The following PCID2 variants were observed in gnomAD, a reference collection of about 807,000 sequenced individuals.
The protein encoded by PCID2 is PCI domain-containing protein 2.
PCID2 carries 41 observed loss-of-function variants against 61.3 expected under a neutral mutation model. That is an observed-to-expected ratio of 0.67 (90% confidence interval 0.52 to 0.87). The LOEUF (loss-of-function observed/expected upper bound fraction) is 0.87. Among genes scored for constraint, PCID2 ranks in the 40% least tolerant of loss-of-function variants. The pLI, the probability that PCID2 is intolerant of heterozygous loss-of-function variation, is 0.00. For synonymous variants in PCID2, 187 were observed against 177.8 expected (o/e 1.05, Z -0.41); for missense variants, 392 against 493.4 (o/e 0.79, Z 1.95).
chr13:113,182,340 G>A (rs1372811123), intron 9 of PCID2, among the ~76,000 whole-genome samples: 2 of 152,198 alleles, frequency 1.3e-5, no homozygotes, highest in South Asian at 2.1e-4. Flanking sequence ...CATGACCCAC[G>A]AGGAGCCCTG....
At chr13:113,203,607 T>C (rs749805060) in intron 1 of PCID2, among the ~76,000 whole-genome samples, 9 of 152,150 alleles carry the variant, frequency 5.9e-5, no homozygotes, top group Admixed American at 1.3e-4. Context: ...AAGACAACAC[T>C]GGTATCTGCC....
intron 2 of PCID2, among the ~76,000 whole-genome samples, chr13:113,199,647 C>T (rs1330317222): frequency 6.6e-6 from 1 of 152,158 alleles, no homozygotes; most frequent in Non-Finnish European, 1.5e-5. Flanking sequence ...GCACAGGGCA[C>T]CAGCCATGGG....
chr13:113,197,188 C>T lies in PCID2; in HGVS notation c.256G>A (p.Val86Met), dbSNP rs771421304. The stretch of plus-strand genomic sequence containing the variant: ...AACGACAAAGGATATTGGACTATCA[C>T]GGTCTGGCACTTGTATGCCTCTATG... ...DFIEAYKCQT[V>M]IVQSFLRAFQ... The change falls in exon 4 of 14, where the codon GTG becomes ATG. Residue 86 changes from valine to methionine, a missense_variant. This residue lies in a region of PCID2 where 155 missense variants were observed against 164.9 expected (regional missense o/e 0.94). Transcript: ENST00000337344. 8 of 1,614,056 alleles carry T rather than the reference C, an allele frequency of 5.0e-6. No individual in the cohort carries two copies. The highest frequency in any genetic ancestry group is 1.3e-5 in the African/African-American group (1 of 74,946).
intron 7 of PCID2, chr13:113,186,027 CAAAAACAA>C (rs59772073): frequency 0.71 from 108,116 of 153,118 alleles, 38,902 homozygotes; most frequent in Middle Eastern, 0.81. Context: ...TCTCAAAAAA[CAAAAACAA>C]AAAAAGAAAA....
At chr13:113,176,582 G>T (rs1047010871), downstream of PCID2, among the ~76,000 whole-genome samples, 2 of 152,274 alleles carry the variant, frequency 1.3e-5, no homozygotes, top group Admixed American at 1.3e-4. Flanking sequence ...TGCAATATTA[G>T]CAAGACGCTG....
At chr13:113,188,588 A>C (rs1168017362) in intron 7 of PCID2, 1 of 152,232 alleles carries the variant, frequency 6.6e-6, no homozygotes, top group Non-Finnish European at 1.5e-5. Context: ...AATGACGGGA[A>C]GACGCCGTAA....
rs185575603 is a variant in PCID2, at chr13:113,183,190, G to C, written c.685+1156C>G. On this transcript the variant is annotated intron_variant, in intron 9 of 13. Coordinates refer to ENST00000337344, the MANE Select transcript of PCID2 (RefSeq NM_001127202.4). The stretch of plus-strand genomic sequence containing the variant: ...ATCTCAGAGCATCACACTCTCAATG[G>C]CTTCCTATTTCTTTTATAGTCAAAC... Among the ~76,000 whole-genome samples, 18 of 152,186 alleles carry C rather than the reference G, an allele frequency of 1.2e-4. No homozygotes were observed. In the East Asian group the frequency reaches 2.7e-3, roughly 23 times the overall value.
chr13:113,178,302 G>A lies in PCID2; in HGVS notation c.1111-15C>T, dbSNP rs774121847. 6 of 1,597,490 alleles carry A rather than the reference G, an allele frequency of 3.8e-6. No homozygotes were observed. The East Asian group carries it at 6.7e-5, about 18-fold the overall frequency. Reference sequence around the variant, plus strand: ...TTGACGTGTCCCTGCGGGGCAGAAAGGGAGGAATGCGTTTACATTTTTGGA... The same window carrying A: ...TTGACGTGTCCCTGCGGGGCAGAAAAGGAGGAATGCGTTTACATTTTTGGA... On this transcript the variant is annotated splice_polypyrimidine_tract_variant and intron_variant, in intron 13 of 13. Coordinates refer to ENST00000337344, the MANE Select transcript of PCID2 (RefSeq NM_001127202.4).
chr13:113,190,390 A>G (rs1328583375), intron 7 of PCID2, among the ~76,000 whole-genome samples: 1 of 152,194 alleles, frequency 6.6e-6, no homozygotes, highest in Admixed American at 6.5e-5. Context: ...TGACATTTTT[A>G]AAGTGCCAAA....
At chr13:113,196,964 G>A in intron 4 of PCID2, 1 of 1,254,654 alleles carries the variant, frequency 8.0e-7, no homozygotes, top group Non-Finnish European at 1.2e-6. Context: ...CCTAACCAGT[G>A]TTCTTCCTTA....
chr13:113,190,840 G>T (rs552667324), intron 7 of PCID2, 32 bp downstream of exon 7: 1 of 1,323,168 alleles, frequency 7.6e-7, no homozygotes, highest in Non-Finnish European at 1.1e-6. Context: ...CACCAACAGC[G>T]TCTGGTGGTC....
chr13:113,172,856 G>A (rs1221622952), downstream of PCID2, among the ~76,000 whole-genome samples: 1 of 152,172 alleles, frequency 6.6e-6, no homozygotes, highest in African/African-American at 2.4e-5. Flanking sequence ...GTCGCCCAGG[G>A]TAGAATCCCA....
Position 113,178,350 on chromosome 13 carries a change from G to A in PCID2, c.1111-63C>T, listed in dbSNP as rs58810634. ...GGATCTGAGTCATGTCAAAGATGCT[G>A]GGTGATCTAATTAATTTGGCATTAG... On this transcript the variant is annotated intron_variant, in intron 13 of 13. Coordinates refer to ENST00000337344, the MANE Select transcript of PCID2 (RefSeq NM_001127202.4). 1.7e-3 allele frequency: 2,011 copies of A among 1,215,120 alleles called. 27 individuals are homozygous for A. In the African/African-American group the frequency reaches 0.026, roughly 16 times the overall value. The allele number at this position is 1,215,120 out of a possible 1,614,324, so 75.3% of individuals were successfully genotyped here.
intron 8 of PCID2, among the ~76,000 whole-genome samples, chr13:113,185,131 T>C (rs1049374121): frequency 1.3e-5 from 2 of 152,230 alleles, no homozygotes; most frequent in Admixed American, 6.5e-5. Context: ...TGCTTTTCCA[T>C]AGTTAATTAT....
the PCID2 span, among the ~76,000 whole-genome samples, chr13:113,168,100 C>T: frequency 6.6e-6 from 1 of 152,164 alleles, no homozygotes; most frequent in South Asian, 2.1e-4. Flanking sequence ...TGGCATAGGT[C>T]TTACATCTAC....
rs2138724021 is a variant in PCID2 at position 113,185,518 on chromosome 13, A to C, written c.510T>G (p.Phe170Leu). The change falls in exon 8 of 14, where the codon TTT becomes TTG. Residue 170 changes from phenylalanine (F) to leucine (L), a missense_variant. Phe to Leu is a conservative substitution (Grantham distance 22). Around this residue, in one of 3 missense-constraint regions of PCID2, gnomAD observed 226 missense variants for 296.5 expected, o/e 0.76. Coordinates refer to ENST00000337344, the MANE Select transcript of PCID2 (RefSeq NM_001127202.4). ...AGATTTTAAACAGCTGGTTCACCAG[A>C]AACAGCATGCCCCACTTCTTAGAGT... ...IEDSKKWGML[F>L]LVNQLFKIYF... The C allele has an allele frequency of 6.2e-7, 1 of 1,613,418 alleles. No homozygotes were observed.
At chr13:113,176,798 A>G (rs993775256), downstream of PCID2, among the ~76,000 whole-genome samples, 2 of 152,168 alleles carry the variant, frequency 1.3e-5, no homozygotes, top group African/African-American at 4.8e-5. Context: ...TATCTGTACC[A>G]TCTCTAGCAC....
chr13:113,171,453 TCCACA>T, the PCID2 span: 8 of 975,456 alleles, frequency 8.2e-6, no homozygotes, highest in Non-Finnish European at 1.2e-5. This position sits in a 1 kb window ranked among gnomAD's most constrained non-coding sequence, Gnocchi z 5.1. Context: ...AGGCACAGTG[TCCACA>T]CCACGGGGCG....
At chr13:113,181,434 G>T (rs1330890310) in intron 9 of PCID2, among the ~76,000 whole-genome samples, 1 of 152,182 alleles carries the variant, frequency 6.6e-6, no homozygotes. Context: ...AACAGGAACT[G>T]CCTGGGAAGT....
Sources: allele counts gnomAD v4.1 joint callset (sites outside exome capture counted in the v4.1 genomes callset), GRCh38; gene constraint gnomAD v4.1.1; regional missense constraint gnomAD v4.1.1; non-coding constraint Gnocchi (gnomAD v3.1); transcripts MANE v1.5; gene names NCBI Gene and HGNC (gene_info 2026-07-23, HGNC 2026-07-21).